ANAPC7: variants seen among roughly 807,000 people sequenced by gnomAD.
The protein encoded by ANAPC7 is anaphase-promoting complex subunit 7.
A neutral mutation model predicts 63.3 loss-of-function variants in ANAPC7; 25 were observed. The ratio of observed to expected loss-of-function variants is 0.39; its 90% CI spans 0.29 to 0.55. ANAPC7 has a LOEUF of 0.55. Ranked by LOEUF, ANAPC7 falls within the 20% of genes least tolerant of loss-of-function variation. The pLI, the probability that ANAPC7 is intolerant of heterozygous loss-of-function variation, is 0.57. For missense variants in ANAPC7, 516 were observed against 691.7 expected (o/e 0.75, Z 2.85); for synonymous variants, 241 against 251.7 (o/e 0.96, Z 0.40).
chr12:110,381,246 T>C (rs918450604), intron 8 of ANAPC7, among the ~76,000 whole-genome samples: 1 of 152,106 alleles, frequency 6.6e-6, no homozygotes, highest in African/African-American at 2.4e-5. Flanking sequence ...AAAATATCGA[T>C]GTCTATTCCC....
chr12:110,375,673 C>G, intron 10 of ANAPC7: 1 of 937,178 alleles, frequency 1.1e-6, no homozygotes, highest in Non-Finnish European at 1.3e-6. Context: ...CTTCAGACCT[C>G]AAGTTCTTAA....
chr12:110,391,347 G>C (rs939768342), intron 3 of ANAPC7, among the ~76,000 whole-genome samples: 6 of 152,168 alleles, frequency 3.9e-5, no homozygotes, highest in Admixed American at 6.6e-5. Flanking sequence ...AAAAGGTGAA[G>C]ATTTACCAAG....
chr12:110,386,704 C>T, intron 5 of ANAPC7: 1 of 434,216 alleles, frequency 2.3e-6, no homozygotes, highest in Non-Finnish European at 4.1e-6. Context: ...GGTTGCAGTT[C>T]TTCAGAACAC....
At chr12:110,394,850 T>TA (rs1883433597) in intron 3 of ANAPC7, among the ~76,000 whole-genome samples, 1 of 151,700 alleles carries the variant, frequency 6.6e-6, no homozygotes, top group African/African-American at 2.4e-5. Context: ...TCTCAAAAAA[T>TA]ATTAAATTAA....
chr12:110,376,041 TC>T, intron 10 of ANAPC7, 24 bp downstream of exon 10: 9 of 1,596,570 alleles, frequency 5.6e-6, no homozygotes, highest in Non-Finnish European at 7.7e-6. Flanking sequence ...TCAGTGGCCT[TC>T]CCCCAAGGGA....
In ANAPC7 at chr12:110,374,301, C is replaced by T. The variant is rs111661323; in HGVS notation, c.1541G>A (p.Gly514Glu). The change falls in exon 11 of 11, where the codon GGG (glycine) becomes GAG (glutamate). Residue 514 changes from glycine to glutamate, a missense_variant. By Grantham distance (98) the Gly-to-Glu change is moderately conservative. Coordinates refer to ENST00000455511, the MANE Select transcript of ANAPC7 (RefSeq NM_016238.3). Reference protein sequence around the residue: ...LDPNDQKSLEGMQKMEKEESP... With the variant: ...LDPNDQKSLEEMQKMEKEESP... ...CTCCTCCTTCTCCATCTTCTGCATCCCCTCTAGAGACTTCTGGTCATTGGG... is the reference window on the plus strand; with the variant it reads ...CTCCTCCTTCTCCATCTTCTGCATCTCCTCTAGAGACTTCTGGTCATTGGG... 1 of 1,614,130 alleles carries T rather than the reference C, an allele frequency of 6.2e-7. No homozygotes were observed. The highest frequency in any genetic ancestry group is 1.1e-5 in the South Asian group (1 of 91,082).
rs752599830 is a variant in ANAPC7, at chr12:110,395,082, A to C, written c.408+19T>G. The C allele has an allele frequency of 6.2e-7, 1 of 1,610,840 alleles. No individual in the cohort carries two copies. The highest frequency in any genetic ancestry group is 8.5e-7 in the Non-Finnish European group (1 of 1,178,624). The stretch of plus-strand genomic sequence containing the variant: ...GGTTAGGAGAGCTGAGGAGAAAAAC[A>C]CATAAACATTCAACTTACTTTGGGA... On this transcript the variant is annotated intron_variant, in intron 3 of 10. Coordinates refer to ENST00000455511, the MANE Select transcript of ANAPC7 (RefSeq NM_016238.3).
intron 8 of ANAPC7, chr12:110,379,026 A>T (rs1370630075): frequency 6.6e-6 from 1 of 151,128 alleles, no homozygotes; most frequent in Non-Finnish European, 1.5e-5. Context: ...GCCTGGCTAA[A>T]TTTGTTTCTA....
At position 110,374,114 on chromosome 12, in the gene ANAPC7, G is replaced by GA. The variant is rs769453795; in HGVS notation, c.*29_*30insT. 3.1e-6 allele frequency: 5 copies of GA among 1,588,538 alleles called. No individual in the cohort carries two copies. Among genetic ancestry groups the GA allele is most frequent in the Non-Finnish European group, 4.3e-6 (5 of 1,170,310 alleles). On this transcript the variant is annotated 3_prime_UTR_variant, in exon 11 of 11. Transcript: ENST00000455511. ...CCACGGAAGTGCTCAGAGCAGGGCA[G>GA]GCCACTGCGGCCATGGAGCTGCCGC...
In ANAPC7 at chr12:110,373,917, A is replaced by T; in HGVS notation, c.*227T>A. 1 of 457,692 alleles carries T rather than the reference A, an allele frequency of 2.2e-6. No individual in the cohort carries two copies. Among genetic ancestry groups the T allele is most frequent in the Non-Finnish European group, 3.7e-6 (1 of 266,974 alleles). 28.4% of individuals were successfully genotyped at this position (457,692 alleles called of 1,614,324 possible). ...TGCGTGGGTCTCGGGGCACTCCCTCAGTCCTCCCTGGCTGGAGCAGGGGAG... is the reference window on the plus strand; with the variant it reads ...TGCGTGGGTCTCGGGGCACTCCCTCTGTCCTCCCTGGCTGGAGCAGGGGAG... On this transcript the variant is annotated 3_prime_UTR_variant, in exon 11 of 11. Coordinates refer to ENST00000455511, the MANE Select transcript of ANAPC7 (RefSeq NM_016238.3).
chr12:110,403,375 C>G, intron 1 of ANAPC7, 152 bp downstream of exon 1: 1 of 823,908 alleles, frequency 1.2e-6, no homozygotes, highest in Non-Finnish European at 1.9e-6. Flanking sequence ...GCTCCGAAGT[C>G]TGCTCCGCTC....
chr12:110,394,189 C>CA (rs753143306), intron 3 of ANAPC7, among the ~76,000 whole-genome samples: 44 of 150,580 alleles, frequency 2.9e-4, no homozygotes, highest in Non-Finnish European at 5.3e-4. Flanking sequence ...ACAAAAAAAA[C>CA]AAAACAAAAA....
In ANAPC7 at chr12:110,387,866, C is replaced by T. The variant is rs1882751434; in HGVS notation, c.547G>A (p.Ala183Thr). Residue 183 changes from alanine to threonine, a missense_variant, in exon 5 of 11, where the codon GCA becomes ACA. By Grantham distance (58) the Ala-to-Thr change is moderately conservative. This residue lies in a region of ANAPC7 where 10 missense variants were observed against 30.1 expected (regional missense o/e 0.33). Coordinates refer to ENST00000455511, the MANE Select transcript of ANAPC7 (RefSeq NM_016238.3). ...LGLLSLSVKG[A>T]EVASMTMNVI... The stretch of plus-strand genomic sequence containing the variant: ...TTCATTGTCATGGATGCCACCTCTG[C>T]CCCTTTTACAGAAAGGGACAACAAG... 1 of 1,614,052 alleles carries T rather than the reference C, an allele frequency of 6.2e-7. No homozygotes were observed. Among genetic ancestry groups the T allele is most frequent in the East Asian group, 2.2e-5 (1 of 44,884 alleles).
intron 8 of ANAPC7, 36 bp downstream of exon 8, chr12:110,381,716 C>G (rs775145723): frequency 1.2e-5 from 20 of 1,600,504 alleles, no homozygotes; most frequent in Non-Finnish European, 1.7e-5. Context: ...GCCACACCCA[C>G]GGATTCACAC....
intron 2 of ANAPC7, among the ~76,000 whole-genome samples, chr12:110,395,516 C>T (rs755361929): frequency 3.3e-5 from 5 of 152,092 alleles, no homozygotes; most frequent in Admixed American, 6.6e-5. Flanking sequence ...TAGTCTCAAA[C>T]TCCTGACCTC....
chr12:110,376,562 C>A, intron 9 of ANAPC7, among the ~76,000 whole-genome samples: 3 of 11,934 alleles, frequency 2.5e-4, no homozygotes, highest in African/African-American at 2.1e-3. Context: ...GAGCGAGACT[C>A]CATCTCAAAA....
At chr12:110,382,460 AAATAT>A (rs1288558685) in intron 7 of ANAPC7, among the ~76,000 whole-genome samples, 36 of 70,346 alleles carry the variant, frequency 5.1e-4, no homozygotes, top group African/African-American at 1.1e-3. Flanking sequence ...AAAAAAAAAA[AAATAT>A]ATATATATAT....
rs115287726 is a variant in ANAPC7, at chr12:110,382,699, T to C, written c.935+144A>G. ...ATCCACCTGTCTCAGTCTCCCAAAG[T>C]GTTGAGATTACAGGCATGAGCCACC... On this transcript the variant is annotated intron_variant, in intron 7 of 10. Transcript: ENST00000455511. The C allele has an allele frequency of 1.9e-3, 1,150 of 617,040 alleles. 5 individuals are homozygous for C. The African/African-American group carries it at 0.02, about 11-fold the overall frequency. The allele number at this position is 617,040 out of a possible 1,614,324, so 38.2% of individuals were successfully genotyped here.
intron 3 of ANAPC7, among the ~76,000 whole-genome samples, chr12:110,391,038 A>G (rs925524742): frequency 4.2e-4 from 64 of 152,168 alleles, no homozygotes; most frequent in Non-Finnish European, 1.0e-4. Context: ...AGAATACAAA[A>G]AATTAGGCAG....
Sources: gnomAD v4.1 joint callset for allele counts (sites outside exome capture counted in the v4.1 genomes callset) on GRCh38, gnomAD v4.1.1 for gene constraint, gnomAD v4.1.1 regional missense constraint, MANE v1.5 for transcripts, NCBI Gene and HGNC (gene_info 2026-07-23, HGNC 2026-07-21) for gene names.